The following SLC7A5 variants were observed in gnomAD, a reference collection of about 807,000 sequenced individuals.
The protein encoded by SLC7A5 is large neutral amino acids transporter small subunit 1.
In SLC7A5, 23 loss-of-function variants were observed where a neutral mutation model predicts 50.2. The ratio of observed to expected loss-of-function variants is 0.46; its 90% CI spans 0.33 to 0.65. SLC7A5 has a LOEUF of 0.65. SLC7A5 is among the 30% of genes least tolerant of loss of function. The pLI is 0.02. For synonymous variants in SLC7A5, 393 were observed against 330.6 expected (o/e 1.19, Z -2.05); for missense variants, 578 against 684.4 (o/e 0.84, Z 1.73).
At chr16:87,834,631 C>A in intron 8 of SLC7A5, 40 bp from the exon 9 acceptor site, 1 of 1,556,512 alleles carries the variant, frequency 6.4e-7, no homozygotes, top group Non-Finnish European at 8.7e-7. Flanking sequence ...CCTCTCCTGT[C>A]CAGCCTCCCT....
At chr16:87,858,828 A>G (rs1458598155) in intron 1 of SLC7A5, among the ~76,000 whole-genome samples, 1 of 152,236 alleles carries the variant, frequency 6.6e-6, no homozygotes, top group Non-Finnish European at 1.5e-5. Flanking sequence ...AGGCTTAACC[A>G]GTGCACAGCC....
chr16:87,837,090 G>C lies in SLC7A5; in HGVS notation c.1141-443C>G, dbSNP rs564729336. Among the ~76,000 whole-genome samples, 6 of 152,362 alleles carry C rather than the reference G, an allele frequency of 3.9e-5. No individual in the cohort carries two copies. In the East Asian group the frequency reaches 7.7e-4, roughly 20 times the overall value. On this transcript the variant is annotated intron_variant, in intron 7 of 9. Coordinates refer to ENST00000261622, the MANE Select transcript of SLC7A5 (RefSeq NM_003486.7). Reference sequence around the variant, plus strand: ...CCGAGGACCGTGCAGCTGCCAAAGAGTCCAGGACTTGCTGCCCTTCCTGAC... The same window carrying C: ...CCGAGGACCGTGCAGCTGCCAAAGACTCCAGGACTTGCTGCCCTTCCTGAC...
Position 87,833,061 on chromosome 16 carries a change from G to C in SLC7A5, c.1469-36C>G, listed in dbSNP as rs751872873. Reference sequence around the variant, plus strand: ...AGAAGACAGCTGTGTTAGCCTGGGGGCTGGGTAGGCACCCGTGGGACACGG... The same window carrying C: ...AGAAGACAGCTGTGTTAGCCTGGGGCCTGGGTAGGCACCCGTGGGACACGG... On this transcript the variant is annotated intron_variant, in intron 9 of 9. Transcript: ENST00000261622. This position sits in a 1 kb window ranked among gnomAD's most constrained non-coding sequence, Gnocchi z 6.0. The C allele has an allele frequency of 1.3e-6, 2 of 1,596,942 alleles. No homozygotes were observed. Among genetic ancestry groups the C allele is most frequent in the South Asian group, 2.2e-5 (2 of 90,758 alleles).
Position 87,841,386 on chromosome 16 carries a change from C to T in SLC7A5, c.665-231G>A, listed in dbSNP as rs1343547576. Among the ~76,000 whole-genome samples the T allele has an allele frequency of 2.6e-5, 4 of 152,204 alleles. No homozygotes were observed. The East Asian group carries it at 7.7e-4, about 29-fold the overall frequency. On this transcript the variant is annotated intron_variant, in intron 2 of 9. Coordinates refer to ENST00000261622, the MANE Select transcript of SLC7A5 (RefSeq NM_003486.7). The surrounding 1 kb of genome is among the most constrained non-coding windows in gnomAD (Gnocchi z 4.8). ...GAGGCCCTGTGCCCACCTGAGAGGG[C>T]ACAGGCAGTTCTGACCACTGCCCAG...
At chr16:87,849,938 C>T (rs1281031897) in intron 2 of SLC7A5, among the ~76,000 whole-genome samples, 1 of 152,196 alleles carries the variant, frequency 6.6e-6, no homozygotes, top group East Asian at 1.9e-4. Context: ...GACGATGAGG[C>T]AGGTAACTAA....
chr16:87,867,763 A>G (rs549447889), intron 1 of SLC7A5, among the ~76,000 whole-genome samples: 1 of 152,180 alleles, frequency 6.6e-6, no homozygotes, highest in East Asian at 1.9e-4. Flanking sequence ...TTCCCACGCC[A>G]CCCAACCAAA....
intron 2 of SLC7A5, among the ~76,000 whole-genome samples, chr16:87,850,590 GAGA>G (rs1270128512): frequency 1.3e-5 from 2 of 152,234 alleles, no homozygotes; most frequent in East Asian, 1.9e-4. Context: ...TGGGAGAGAA[GAGA>G]AGGAGGCCAG....
chr16:87,851,942 G>A (rs1299821420), intron 1 of SLC7A5, 93 bp from the exon 2 acceptor site: 1 of 1,495,440 alleles, frequency 6.7e-7, no homozygotes, highest in South Asian at 1.1e-5. Context: ...CCCACCCCAG[G>A]GCCAGGTCCA....
intron 1 of SLC7A5, among the ~76,000 whole-genome samples, chr16:87,858,799 T>C (rs978946132): frequency 5.9e-5 from 9 of 152,192 alleles, no homozygotes; most frequent in South Asian, 2.1e-4. Flanking sequence ...AATGAACTCG[T>C]TGAACAGACT....
At position 87,869,046 on chromosome 16, in the gene SLC7A5, G is replaced by C. The variant is rs1041269729; in HGVS notation, c.377C>G (p.Ser126Trp). The C allele has an allele frequency of 3.7e-6, 6 of 1,611,868 alleles. No homozygotes were observed. The highest frequency in any genetic ancestry group is 5.1e-6 in the Non-Finnish European group (6 of 1,179,816). ...DYAYMLEVYG[S>W]LPAFLKLWIE... ...CCAGAGCTTGAGGAAGGCGGGCAGCGAGCCGTAGACCTCCAGCATGTAGGC... is the reference window on the plus strand; with the variant it reads ...CCAGAGCTTGAGGAAGGCGGGCAGCCAGCCGTAGACCTCCAGCATGTAGGC... Residue 126 changes from serine to tryptophan, a missense_variant, in exon 1 of 10, where the codon TCG (serine) becomes TGG (tryptophan). This residue lies in a region of SLC7A5 where 465 missense variants were observed against 594.6 expected (regional missense o/e 0.78). Coordinates refer to ENST00000261622, the MANE Select transcript of SLC7A5 (RefSeq NM_003486.7).
rs111462602 is a variant in SLC7A5, at chr16:87,866,930, C to A, written c.538+1955G>T. ...AGCAGGAAGTCAGAGACTCAGCACC[C>A]AGGGGCTGCTTTTTTTTTTTTGAGA... On this transcript the variant is annotated intron_variant, in intron 1 of 9. Coordinates refer to ENST00000261622, the MANE Select transcript of SLC7A5 (RefSeq NM_003486.7). Among the ~76,000 whole-genome samples, 16 of 152,080 alleles carry A rather than the reference C, an allele frequency of 1.1e-4. 1 individual carries two copies. The highest frequency in any genetic ancestry group is 3.6e-4 in the African/African-American group (15 of 41,504).
intron 1 of SLC7A5, among the ~76,000 whole-genome samples, chr16:87,865,849 C>T (rs551049743): frequency 1.8e-4 from 27 of 151,998 alleles, no homozygotes; most frequent in Middle Eastern, 6.8e-3. Context: ...CCGCCGGGTG[C>T]GATGGCTCAT....
At chr16:87,846,956 C>T (rs1158405725) in intron 2 of SLC7A5, among the ~76,000 whole-genome samples, 1 of 152,198 alleles carries the variant, frequency 6.6e-6, no homozygotes. Context: ...GACACCCTGG[C>T]CGGGGGGCGG....
chr16:87,844,152 A>G lies in SLC7A5; in HGVS notation c.665-2997T>C, dbSNP rs139990217. 6.6e-5 allele frequency among the ~76,000 whole-genome samples: 10 copies of G among 152,276 alleles called. No individual in the cohort carries two copies. The East Asian group carries it at 1.7e-3, about 27-fold the overall frequency. On this transcript the variant is annotated intron_variant, in intron 2 of 9. Coordinates refer to ENST00000261622, the MANE Select transcript of SLC7A5 (RefSeq NM_003486.7). ...CCCACAGAGACGCGAGAACAGACTCAGCGCAGAGCCTGAGTGGGGCCCTCC... is the reference window on the plus strand; with the variant it reads ...CCCACAGAGACGCGAGAACAGACTCGGCGCAGAGCCTGAGTGGGGCCCTCC...
At chr16:87,848,603 A>G (rs876987) in intron 2 of SLC7A5, among the ~76,000 whole-genome samples, 69,799 of 152,062 alleles carry the variant, frequency 0.46, 18,979 homozygotes, top group African/African-American at 0.75. Context: ...CGGAGGAGGC[A>G]AGGGCTCCCG....
chr16:87,864,421 G>A (rs1361302426), intron 1 of SLC7A5, among the ~76,000 whole-genome samples: 2 of 152,112 alleles, frequency 1.3e-5, no homozygotes, highest in Non-Finnish European at 2.9e-5. Context: ...CGCCCATCCT[G>A]CCCACTGGTC....
chr16:87,833,190 G>C lies in SLC7A5; in HGVS notation c.1469-165C>G, dbSNP rs917680125. 3.3e-5 allele frequency among the ~76,000 whole-genome samples: 5 copies of C among 152,246 alleles called. No individual in the cohort carries two copies. Among genetic ancestry groups the C allele is most frequent in the Admixed American group, 6.5e-5 (1 of 15,286 alleles). On this transcript the variant is annotated intron_variant, in intron 9 of 9. Transcript: ENST00000261622. The surrounding 1 kb of genome is among the most constrained non-coding windows in gnomAD (Gnocchi z 6.0). ...TTCCCTTGTGTACTTGCGCATGTGGGTGCCGGGTGCCCGAGGCGCTGTCTT... is the reference window on the plus strand; with the variant it reads ...TTCCCTTGTGTACTTGCGCATGTGGCTGCCGGGTGCCCGAGGCGCTGTCTT...
intron 1 of SLC7A5, among the ~76,000 whole-genome samples, chr16:87,868,132 A>AG (rs1348413096): frequency 7.4e-5 from 11 of 148,990 alleles, no homozygotes; most frequent in African/African-American, 2.0e-4. Context: ...AAAAAAAAAA[A>AG]AGAAAGAAAA....
At chr16:87,864,823 C>T (rs575186622) in intron 1 of SLC7A5, among the ~76,000 whole-genome samples, 1 of 152,310 alleles carries the variant, frequency 6.6e-6, no homozygotes, top group Non-Finnish European at 1.5e-5. Flanking sequence ...GTGGACTTCC[C>T]AAGTAAAAAG....
Sources: allele counts gnomAD v4.1 joint callset (sites outside exome capture counted in the v4.1 genomes callset), GRCh38; gene constraint gnomAD v4.1.1; regional missense constraint gnomAD v4.1.1; non-coding constraint Gnocchi (gnomAD v3.1); transcripts MANE v1.5; gene names NCBI Gene and HGNC (gene_info 2026-07-23, HGNC 2026-07-21).